The following NAALADL2 variants were observed in gnomAD, a reference collection of about 807,000 sequenced individuals.
NAALADL2 encodes the protein N-acetylated alpha-linked acidic dipeptidase like 2.
A neutral mutation model predicts 87.2 loss-of-function variants in NAALADL2; 76 were observed. The observed-to-expected ratio is 0.87, with a 90% CI of 0.72 to 1.05. The LOEUF (loss-of-function observed/expected upper bound fraction) is 1.05, where lower values mean the gene tolerates loss of function less well. NAALADL2 is among the 50% of genes least tolerant of loss of function. The pLI is 0.00. For missense variants in NAALADL2, 1,089 were observed against 945.8 expected (o/e 1.15, Z -1.99); for synonymous variants, 354 against 331.0 (o/e 1.07, Z -0.75).
intron 13 of NAALADL2, among the ~76,000 whole-genome samples, chr3:175,763,692 T>C (rs1360913179): frequency 2.0e-5 from 3 of 152,124 alleles, no homozygotes; most frequent in Non-Finnish European, 2.9e-5. Flanking sequence ...TAATAACATG[T>C]GTGTAAGGTA....
intron 10 of NAALADL2, among the ~76,000 whole-genome samples, chr3:175,577,603 T>A (rs1560788417): frequency 6.6e-6 from 1 of 152,190 alleles, no homozygotes; most frequent in Non-Finnish European, 1.5e-5. Flanking sequence ...TGGCTTAGTC[T>A]GAAGGATCCA....
chr3:175,489,267 G>C (rs1054224273), intron 9 of NAALADL2, among the ~76,000 whole-genome samples: 2 of 152,074 alleles, frequency 1.3e-5, no homozygotes, highest in Non-Finnish European at 2.9e-5. Flanking sequence ...ATGGGTTATA[G>C]TTAGGGAAGC....
chr3:175,484,032 A>G (rs1044624862), intron 9 of NAALADL2, among the ~76,000 whole-genome samples: 2 of 152,110 alleles, frequency 1.3e-5, no homozygotes, highest in African/African-American at 2.4e-5. Flanking sequence ...AACACAGTTT[A>G]GTAGAAGGAC....
chr3:174,919,439 A>G (rs1400853330), intron 1 of NAALADL2, among the ~76,000 whole-genome samples: 1 of 152,212 alleles, frequency 6.6e-6, no homozygotes, highest in Non-Finnish European at 1.5e-5. Flanking sequence ...AGCACATGCC[A>G]TCTCAAGAAA....
At chr3:174,639,385 G>T (rs1230367727) in intron 2 of NAALADL2, among the ~76,000 whole-genome samples, 2 of 152,166 alleles carry the variant, frequency 1.3e-5, no homozygotes. Context: ...GGAGCTGTTT[G>T]GCACCAGGTG....
At chr3:174,519,874 C>T (rs1400351924) in intron 1 of NAALADL2, among the ~76,000 whole-genome samples, 2 of 152,078 alleles carry the variant, frequency 1.3e-5, no homozygotes, top group Non-Finnish European at 2.9e-5. Context: ...GACAAACCCA[C>T]AGCCAACATC....
chr3:175,555,186 C>T (rs933225379), intron 9 of NAALADL2, among the ~76,000 whole-genome samples: 4 of 152,140 alleles, frequency 2.6e-5, no homozygotes, highest in Non-Finnish European at 5.9e-5. Context: ...GGGAATGATA[C>T]AGTACTGTTT....
intron 9 of NAALADL2, among the ~76,000 whole-genome samples, chr3:175,531,989 G>A (rs1025361940): frequency 1.3e-5 from 2 of 152,100 alleles, no homozygotes; most frequent in Non-Finnish European, 2.9e-5. Flanking sequence ...CTAAATAGAG[G>A]CAGCTCTAAA....
At chr3:175,295,405 G>A (rs932909861) in intron 4 of NAALADL2, among the ~76,000 whole-genome samples, 2 of 151,954 alleles carry the variant, frequency 1.3e-5, no homozygotes, top group African/African-American at 4.8e-5. Context: ...CTACTTCTGT[G>A]TTTTTTTCCT....
intron 3 of NAALADL2, among the ~76,000 whole-genome samples, chr3:174,747,541 GA>G (rs774488176): frequency 2.9e-5 from 4 of 136,788 alleles, no homozygotes; most frequent in African/African-American, 5.4e-5. Flanking sequence ...AGAATCACTT[GA>G]ACCCAGGAGG....
At chr3:175,055,240 A>G (rs1198108933) in intron 1 of NAALADL2, among the ~76,000 whole-genome samples, 1 of 152,170 alleles carries the variant, frequency 6.6e-6, no homozygotes, top group Non-Finnish European at 1.5e-5. Context: ...ATACGGCACA[A>G]TCAGGAGCTG....
At chr3:175,148,909 T>G (rs1191529616) in intron 2 of NAALADL2, among the ~76,000 whole-genome samples, 2 of 152,180 alleles carry the variant, frequency 1.3e-5, no homozygotes, top group African/African-American at 4.8e-5. Context: ...TTGTTTTTAC[T>G]TAGGATTGCT....
Position 175,681,737 on chromosome 3 carries a change from T to C in NAALADL2, c.1896+54351T>C, listed in dbSNP as rs1367091493. On this transcript the variant is annotated intron_variant, in intron 11 of 13. Coordinates refer to ENST00000454872, the MANE Select transcript of NAALADL2 (RefSeq NM_207015.3). ...CAATACAGGCAATGGCAATGAAGAGTTTATTTCTTGTACAGTGTAAATAAA... is the reference window on the plus strand; with the variant it reads ...CAATACAGGCAATGGCAATGAAGAGCTTATTTCTTGTACAGTGTAAATAAA... Among the ~76,000 whole-genome samples the C allele has an allele frequency of 5.9e-5, 9 of 152,140 alleles. No homozygotes were observed. In the East Asian group the frequency reaches 1.5e-3, roughly 26 times the overall value.
At chr3:175,196,828 C>T (rs1466125628) in intron 2 of NAALADL2, among the ~76,000 whole-genome samples, 3 of 151,870 alleles carry the variant, frequency 2.0e-5, no homozygotes, top group Admixed American at 2.0e-4. Context: ...AAAGCAATCA[C>T]AGCTGCAGCC....
At chr3:174,822,225 A>G (rs1721507279) in intron 3 of NAALADL2, among the ~76,000 whole-genome samples, 1 of 152,074 alleles carries the variant, frequency 6.6e-6, no homozygotes, top group Non-Finnish European at 1.5e-5. Context: ...ACACTATATG[A>G]GAGCGGATAG....
chr3:174,809,981 G>A (rs1009199965), intron 3 of NAALADL2, among the ~76,000 whole-genome samples: 2 of 152,108 alleles, frequency 1.3e-5, no homozygotes, highest in Admixed American at 6.6e-5. Flanking sequence ...TGCTCCTGCT[G>A]TGGAAGATGC....
At position 175,404,484 on chromosome 3, in the gene NAALADL2, T is replaced by C. The variant is rs143438238; in HGVS notation, c.1091-42745T>C. On this transcript the variant is annotated intron_variant, in intron 5 of 13. Transcript: ENST00000454872. ...TGCAAAAGCCGTGTGAGTCTAAGTG[T>C]CCTCCAAACAAGAACATACATATCC... Among the ~76,000 whole-genome samples the C allele has an allele frequency of 3.2e-4, 48 of 152,160 alleles. No individual in the cohort carries two copies. The East Asian group carries it at 9.3e-3, about 29-fold the overall frequency.
chr3:175,072,923 G>A (rs997427449), intron 1 of NAALADL2, among the ~76,000 whole-genome samples: 1 of 151,796 alleles, frequency 6.6e-6, no homozygotes, highest in African/African-American at 2.4e-5. Flanking sequence ...ATAAATGATT[G>A]CAATGAAAAT....
At chr3:175,251,880 T>C (rs1299439120) in intron 3 of NAALADL2, among the ~76,000 whole-genome samples, 1 of 152,208 alleles carries the variant, frequency 6.6e-6, no homozygotes, top group African/African-American at 2.4e-5. Flanking sequence ...TAATTATTGA[T>C]TTTTAGTGCA....
Sources: allele counts gnomAD v4.1 joint callset (sites outside exome capture counted in the v4.1 genomes callset), GRCh38; gene constraint gnomAD v4.1.1; transcripts MANE v1.5; gene names NCBI Gene and HGNC (gene_info 2026-07-23, HGNC 2026-07-21).